Variants in RGL1 observed in about 807,000 individuals in gnomAD.
The protein encoded by RGL1 is ral guanine nucleotide dissociation stimulator-like 1.
RGL1 carries 24 observed loss-of-function variants against 95.2 expected under a neutral mutation model. The ratio of observed to expected loss-of-function variants is 0.25; its 90% CI spans 0.18 to 0.35. RGL1 has a LOEUF of 0.35. Among genes scored for constraint, RGL1 ranks in the 10% least tolerant of loss-of-function variants. RGL1 has a pLI of 1.00. For missense variants in RGL1, 715 were observed against 936.3 expected (o/e 0.76, Z 3.08); for synonymous variants, 329 against 344.9 (o/e 0.95, Z 0.51).
At chr1:183,703,722 G>A (rs919777438) in intron 1 of RGL1, among the ~76,000 whole-genome samples, 7 of 152,208 alleles carry the variant, frequency 4.6e-5, no homozygotes, top group Non-Finnish European at 8.8e-5. Flanking sequence ...GCTGTTTATC[G>A]GGTGGGATGT....
intron 1 of RGL1, chr1:183,648,656 TC>T (rs1429322275): frequency 6.2e-7 from 1 of 1,614,094 alleles, no homozygotes; most frequent in African/African-American, 1.3e-5. Context: ...TGAGGGAAAC[TC>T]TTGCTTCTTC....
chr1:183,674,410 A>T (rs1652681666), intron 1 of RGL1, among the ~76,000 whole-genome samples: 1 of 152,174 alleles, frequency 6.6e-6, no homozygotes, highest in Admixed American at 6.5e-5. Context: ...TAATTCATGT[A>T]TAGCCATCTT....
chr1:183,911,807 A>G (rs1227133343), intron 14 of RGL1, among the ~76,000 whole-genome samples: 3 of 152,214 alleles, frequency 2.0e-5, no homozygotes, highest in South Asian at 4.1e-4. Context: ...AAGGTGGTCC[A>G]TAGACTGTTA....
At chr1:183,682,226 G>T (rs888461255) in intron 1 of RGL1, among the ~76,000 whole-genome samples, 3 of 152,180 alleles carry the variant, frequency 2.0e-5, no homozygotes, top group East Asian at 1.9e-4. Context: ...GAATTTGTTT[G>T]CTCCTGCTTC....
chr1:183,859,166 G>GT (rs777455185), intron 3 of RGL1, among the ~76,000 whole-genome samples: 1 of 152,212 alleles, frequency 6.6e-6, no homozygotes, highest in Non-Finnish European at 1.5e-5. Context: ...GCAGTTGGTG[G>GT]TTTAGCATTG....
At chr1:183,892,264 A>G (rs1032085113) in intron 9 of RGL1, 103 bp downstream of exon 9, 2 of 816,362 alleles carry the variant, frequency 2.4e-6, no homozygotes, top group Non-Finnish European at 3.7e-6. Context: ...AACTCCAAAG[A>G]AAGCCTAAAG....
chr1:183,699,561 G>A (rs1382735516), intron 1 of RGL1, among the ~76,000 whole-genome samples: 1 of 152,118 alleles, frequency 6.6e-6, no homozygotes, highest in Non-Finnish European at 1.5e-5. Context: ...TAAATATGCA[G>A]GTTAGGCCTA....
chr1:183,901,412 G>A (rs975336884), intron 11 of RGL1, among the ~76,000 whole-genome samples: 2 of 152,064 alleles, frequency 1.3e-5, no homozygotes, highest in East Asian at 1.9e-4. Flanking sequence ...ACTTGAGCTC[G>A]GGAGGCAGAG....
chr1:183,762,741 C>A (rs1261482288), intron 2 of RGL1, among the ~76,000 whole-genome samples: 3 of 152,174 alleles, frequency 2.0e-5, no homozygotes, highest in African/African-American at 7.2e-5. Flanking sequence ...CAAGAAACAA[C>A]AGATGCTGGA....
chr1:183,814,362 C>T lies in RGL1; in HGVS notation c.138+7877C>T, dbSNP rs139358589. On this transcript the variant is annotated intron_variant, in intron 2 of 17. Coordinates refer to ENST00000360851, the MANE Select transcript of RGL1 (RefSeq NM_001297671.3). ...CCACCTTCTCCTTTATGTTATGTGG[C>T]GTATGACTTCTGAGGATAACAGTGG... Among the ~76,000 whole-genome samples the T allele has an allele frequency of 2.5e-3, 374 of 152,108 alleles. 3 individuals carry two copies. The highest frequency in any genetic ancestry group is 8.7e-3 in the African/African-American group (359 of 41,476).
At chr1:183,906,956 AGT>A in intron 13 of RGL1, 54 bp from the exon 14 acceptor site, 1 of 935,486 alleles carries the variant, frequency 1.1e-6, no homozygotes, top group Non-Finnish European at 1.7e-6. Context: ...TGTGAATTTA[AGT>A]GTGTTTTTCA....
intron 1 of RGL1, chr1:183,709,780 T>C: frequency 4.7e-6 from 1 of 211,122 alleles, no homozygotes; most frequent in Admixed American, 4.3e-5. Flanking sequence ...TCTGTGTAGC[T>C]AGTTGTTGAT....
intron 1 of RGL1, among the ~76,000 whole-genome samples, chr1:183,663,402 G>A (rs931742929): frequency 8.9e-5 from 13 of 145,650 alleles, no homozygotes; most frequent in African/African-American, 3.1e-4. Context: ...AGTGGACGAA[G>A]GATATGAGCA....
intron 5 of RGL1, among the ~76,000 whole-genome samples, chr1:183,883,491 C>G (rs986105060): frequency 2.6e-5 from 4 of 152,152 alleles, no homozygotes; most frequent in African/African-American, 9.7e-5. Context: ...TGAAAGAGCC[C>G]TAGACAAAGG....
At chr1:183,735,211 C>T (rs1187436722) in intron 1 of RGL1, among the ~76,000 whole-genome samples, 1 of 152,112 alleles carries the variant, frequency 6.6e-6, no homozygotes, top group Non-Finnish European at 1.5e-5. Context: ...TAATTTTCTA[C>T]ATTTAACAGG....
intron 2 of RGL1, among the ~76,000 whole-genome samples, chr1:183,791,937 C>A (rs962149336): frequency 1.3e-5 from 2 of 152,120 alleles, no homozygotes; most frequent in East Asian, 3.8e-4. Flanking sequence ...CATGTGAATT[C>A]ATGGTTTCAA....
intron 3 of RGL1, 91 bp downstream of exon 3, chr1:183,847,865 C>A: frequency 2.2e-6 from 2 of 918,808 alleles, no homozygotes; most frequent in Non-Finnish European, 3.4e-6. Context: ...ACTTGGTATT[C>A]GGAGAGAGAT....
intron 2 of RGL1, among the ~76,000 whole-genome samples, chr1:183,842,687 G>C (rs2102522174): frequency 6.6e-6 from 1 of 152,322 alleles, no homozygotes; most frequent in South Asian, 2.1e-4. Flanking sequence ...AATCCAGATT[G>C]AGCTGTTTCC....
chr1:183,860,271 T>G (rs3002651), intron 3 of RGL1, among the ~76,000 whole-genome samples: 149,692 of 152,206 alleles, frequency 0.98, 73,656 homozygotes, highest in Middle Eastern at 1. Flanking sequence ...TCTTTTATTC[T>G]TGGTAGAAGA....
Sources: allele counts gnomAD v4.1 joint callset (sites outside exome capture counted in the v4.1 genomes callset), GRCh38; gene constraint gnomAD v4.1.1; transcripts MANE v1.5; gene names NCBI Gene and HGNC (gene_info 2026-07-23, HGNC 2026-07-21).